Variants in RCAN3 observed in about 807,000 individuals in gnomAD.
RCAN3 encodes the protein calcipressin-3.
A neutral mutation model predicts 21.9 loss-of-function variants in RCAN3; 19 were observed. The ratio of observed to expected loss-of-function variants is 0.87; its 90% confidence interval spans 0.61 to 1.27. RCAN3 has a LOEUF of 1.27. Among genes scored for constraint, RCAN3 ranks in the 50% most tolerant of loss-of-function variants. The probability of loss-of-function intolerance (pLI) is 0.00; values close to 1 mark genes in which losing one functional copy is unlikely to be tolerated. For missense variants in RCAN3, 240 were observed against 300.1 expected, an observed-to-expected ratio of 0.80 and a Z score of 1.48; for synonymous variants, 114 against 112.3, an observed-to-expected ratio of 1.01 and a Z score of -0.09.
intron 1 of RCAN3, among the ~76,000 whole-genome samples, chr1:24,510,843 A>C (rs1210226097): frequency 6.6e-6 from 1 of 152,178 alleles, no homozygotes; most frequent in Non-Finnish European, 1.5e-5. Flanking sequence ...TTTTGATTTA[A>C]AGTGAGAGAC....
chr1:24,518,487 C>G (rs949792550), intron 2 of RCAN3, among the ~76,000 whole-genome samples: 8 of 152,158 alleles, frequency 5.3e-5, no homozygotes, highest in African/African-American at 1.7e-4. Context: ...ATAGCTCCAT[C>G]AGGAGTGCGA....
rs771334440 is a variant in RCAN3, at chr1:24,531,242, A to G, written c.220A>G (p.Ile74Val). 2.5e-6 allele frequency: 4 copies of G among 1,601,844 alleles called. No individual in the cohort carries two copies. The highest frequency in any genetic ancestry group is 3.4e-5 in the Admixed American group (2 of 59,038). The change falls in exon 3 of 5, where the codon ATC becomes GTC. Residue 74 changes from isoleucine (I) to valine (V), a missense_variant. Coordinates refer to ENST00000374395, the MANE Select transcript of RCAN3 (RefSeq NM_013441.4). ...QKERFEALFTIYDDQVTFQLF... is the reference protein window; with the variant it reads ...QKERFEALFTVYDDQVTFQLF... ...GGAAAGATTTGAAGCACTCTTCACC[A>G]TCTATGATGACCAGGTTACTTTTCA... is the stretch of plus-strand genomic sequence containing the variant.
intron 1 of RCAN3, among the ~76,000 whole-genome samples, chr1:24,504,289 C>T (rs112666821): frequency 6.6e-6 from 1 of 152,134 alleles, no homozygotes; most frequent in Non-Finnish European, 1.5e-5. Flanking sequence ...CAGGATCAAG[C>T]GATCCTCCCA....
chr1:24,518,137 C>G (rs969976253), intron 2 of RCAN3, among the ~76,000 whole-genome samples: 9 of 152,262 alleles, frequency 5.9e-5, no homozygotes, highest in African/African-American at 1.9e-4. Flanking sequence ...CCAGCCTGGC[C>G]AACATAGCAA....
intron 1 of RCAN3, among the ~76,000 whole-genome samples, chr1:24,510,845 G>A (rs1238781851): frequency 1.3e-5 from 2 of 152,164 alleles, no homozygotes; most frequent in Admixed American, 6.6e-5. Flanking sequence ...TTGATTTAAA[G>A]TGAGAGACTC....
Position 24,531,344 on chromosome 1 carries a change from C to T in RCAN3, c.322C>T (p.His108Tyr). ...GGCAGCAAGAGCGCGAATAGAACTC[C>T]ACGAAACAGACTTCAATGGGCAGAA... ...EAAARARIEL[H>Y]ETDFNGQKLK... The change falls in exon 3 of 5, where the codon CAC becomes TAC. Residue 108 changes from histidine (H) to tyrosine (Y), a missense_variant. His to Tyr is a moderately conservative substitution (Grantham distance 83). Transcript: ENST00000374395. 6.2e-7 allele frequency: 1 copy of T among 1,613,770 alleles called. No individual in the cohort carries two copies. Among genetic ancestry groups the T allele is most frequent in the Non-Finnish European group, 8.5e-7 (1 of 1,179,830 alleles).
chr1:24,505,392 A>G (rs1222031039), intron 1 of RCAN3, among the ~76,000 whole-genome samples: 1 of 151,338 alleles, frequency 6.6e-6, no homozygotes, highest in Non-Finnish European at 1.5e-5. Context: ...GGCGTGCACC[A>G]TGTGTTTTTT....
rs193071411 is a variant in RCAN3, at chr1:24,514,187, T to G, written c.-59-127T>G. On this transcript the variant is annotated intron_variant, in intron 1 of 4. Transcript: ENST00000374395. ...TTACGAGGACTGTAATGCATTGATT[T>G]AAATATTGATTCATCGTTCTAAATA... 10 of 470,944 alleles carry G rather than the reference T, an allele frequency of 2.1e-5. No homozygotes were observed. The Admixed American group carries it at 3.9e-4, about 18-fold the overall frequency. 29.2% of individuals were successfully genotyped at this position (470,944 alleles called of 1,614,324 possible). A position where few individuals can be genotyped will look rare whatever the true frequency, so the allele number is the denominator to read the frequency against.
chr1:24,531,267 A>G lies in RCAN3; in HGVS notation c.245A>G (p.Gln82Arg). Residue 82 changes from glutamine (Q) to arginine (R), a missense_variant, in exon 3 of 5, where the codon CAG (glutamine) becomes CGG (arginine). Transcript: ENST00000374395. Reference sequence around the variant, plus strand: ...ATCTATGATGACCAGGTTACTTTTCAGCTGTTTAAAAGCTTTAGAAGAGTC... The same window carrying G: ...ATCTATGATGACCAGGTTACTTTTCGGCTGTTTAAAAGCTTTAGAAGAGTC... ...FTIYDDQVTFQLFKSFRRVRI... is the reference protein window; with the variant it reads ...FTIYDDQVTFRLFKSFRRVRI... 2 of 1,612,570 alleles carry G rather than the reference A, an allele frequency of 1.2e-6. No individual in the cohort carries two copies. Among genetic ancestry groups the G allele is most frequent in the Non-Finnish European group, 1.7e-6 (2 of 1,179,322 alleles).
At chr1:24,521,006 T>C (rs1648758787) in intron 2 of RCAN3, among the ~76,000 whole-genome samples, 1 of 152,006 alleles carries the variant, frequency 6.6e-6, no homozygotes, top group South Asian at 2.1e-4. Context: ...GCCAAAACAG[T>C]CTTGAAAACA....
chr1:24,507,199 AC>A (rs1647507162), intron 1 of RCAN3, among the ~76,000 whole-genome samples: 1 of 151,828 alleles, frequency 6.6e-6, no homozygotes, highest in African/African-American at 2.4e-5. Context: ...CCCCCACCAA[AC>A]ACCTTGCACC....
In RCAN3 at chr1:24,539,805, T is replaced by C. The variant is rs1650411839; in HGVS notation, c.*4528T>C. On this transcript the variant is annotated 3_prime_UTR_variant, in exon 5 of 5. Transcript: ENST00000374395. ...TCTGCAGAGCTGTGGACCCTGTACG[T>C]ACCAAACAGGTGAACTTGGTCCATC... 1 of 152,248 alleles carries C rather than the reference T, an allele frequency of 6.6e-6. No homozygotes were observed. Among genetic ancestry groups the C allele is most frequent in the South Asian group, 2.1e-4 (1 of 4,832 alleles). The allele number at this position is 152,248 out of a possible 1,614,324, so 9.4% of individuals were successfully genotyped here.
chr1:24,515,429 T>G (rs1378416385), intron 2 of RCAN3, among the ~76,000 whole-genome samples: 5 of 35,794 alleles, frequency 1.4e-4, no homozygotes, highest in Admixed American at 4.5e-4. Flanking sequence ...GAAAGAGAGG[T>G]GTGTGTGTGT....
In RCAN3 at chr1:24,536,111, A is replaced by G. The variant is rs1276619491; in HGVS notation, c.*834A>G. ...GTTCTAGCCTGTAGACCACCCAGCT[A>G]CCTTCATTCACCAGTTTTTATCCTT... is the stretch of plus-strand genomic sequence containing the variant. On this transcript the variant is annotated 3_prime_UTR_variant, in exon 5 of 5. Coordinates refer to ENST00000374395, the MANE Select transcript of RCAN3 (RefSeq NM_013441.4). The G allele has an allele frequency of 6.6e-6, 1 of 152,166 alleles. No individual in the cohort carries two copies. The highest frequency in any genetic ancestry group is 6.5e-5 in the Admixed American group (1 of 15,276). 9.4% of individuals were successfully genotyped at this position (152,166 alleles called of 1,614,324 possible). A position where few individuals can be genotyped will look rare whatever the true frequency, so the allele number is the denominator to read the frequency against.
chr1:24,507,392 A>G (rs1012432989), intron 1 of RCAN3, among the ~76,000 whole-genome samples: 2 of 152,152 alleles, frequency 1.3e-5, no homozygotes, highest in Admixed American at 6.5e-5. Context: ...GCAGAATTCA[A>G]TTTACCTTTG....
In RCAN3 at chr1:24,538,435, C is replaced by T. The variant is rs1186878455; in HGVS notation, c.*3158C>T. 1 of 151,684 alleles carries T rather than the reference C, an allele frequency of 6.6e-6. No homozygotes were observed. The highest frequency in any genetic ancestry group is 1.5e-5 in the Non-Finnish European group (1 of 67,974). The allele number at this position is 151,684 out of a possible 1,614,324, so 9.4% of individuals were successfully genotyped here. On this transcript the variant is annotated 3_prime_UTR_variant, in exon 5 of 5. Coordinates refer to ENST00000374395, the MANE Select transcript of RCAN3 (RefSeq NM_013441.4). ...ATTTATTTATTTTGAGACAGAGTCTCACTCTGTCGCCCAGGCTGGAGCGCA... is the reference window on the plus strand; with the variant it reads ...ATTTATTTATTTTGAGACAGAGTCTTACTCTGTCGCCCAGGCTGGAGCGCA...
At chr1:24,519,410 A>G (rs955066695) in intron 2 of RCAN3, among the ~76,000 whole-genome samples, 1 of 151,990 alleles carries the variant, frequency 6.6e-6, no homozygotes, top group Non-Finnish European at 1.5e-5. Context: ...TCAAAATATA[A>G]TTTAGGTTTT....
Position 24,540,147 on chromosome 1 carries a change from T to C in RCAN3, c.*4870T>C, listed in dbSNP as rs72884438. ...TAATCATTTGGAGACTGTTTTCTTATTACCAAATGTACAATCCATAAGACA... is the reference window on the plus strand; with the variant it reads ...TAATCATTTGGAGACTGTTTTCTTACTACCAAATGTACAATCCATAAGACA... On this transcript the variant is annotated 3_prime_UTR_variant, in exon 5 of 5. Coordinates refer to ENST00000374395, the MANE Select transcript of RCAN3 (RefSeq NM_013441.4). 0.054 allele frequency: 8,196 copies of C among 152,284 alleles called. 458 individuals carry two copies. Among genetic ancestry groups the C allele is most frequent in the African/African-American group, 0.14 (5,862 of 41,526 alleles). 9.4% of individuals were successfully genotyped at this position (152,284 alleles called of 1,614,324 possible). A position where few individuals can be genotyped will look rare whatever the true frequency, so the allele number is the denominator to read the frequency against.
rs2148913335 is a variant in RCAN3 at position 24,533,075 on chromosome 1, C to T, written c.370-8C>T. ...GCAAACTGGCTTTGAGCGTCTCGCT[C>T]CCTGCAGGTGCAGATGTCCGGCGAA... On this transcript the variant is annotated splice_polypyrimidine_tract_variant and splice_region_variant and intron_variant, in intron 3 of 4. Coordinates refer to ENST00000374395, the MANE Select transcript of RCAN3 (RefSeq NM_013441.4). The T allele has an allele frequency of 7.0e-7, 1 of 1,424,676 alleles. No homozygotes were observed. The highest frequency in any genetic ancestry group is 2.8e-5 in the Admixed American group (1 of 36,318). The allele number at this position is 1,424,676 out of a possible 1,614,324, so 88.3% of individuals were successfully genotyped here.
Sources: gnomAD v4.1 joint callset for allele counts (sites outside exome capture counted in the v4.1 genomes callset) on GRCh38, gnomAD v4.1.1 for gene constraint, MANE v1.5 for transcripts, NCBI Gene and HGNC (gene_info 2026-07-23, HGNC 2026-07-21) for gene names.